Variants in B3GALT4 observed in about 807,000 individuals in gnomAD.
B3GALT4 encodes the protein beta-1,3-galactosyltransferase 4.
A neutral mutation model predicts 1.6 loss-of-function variants in B3GALT4; 1 was observed. That is an observed-to-expected ratio of 0.64 (90% CI 0.23 to 3.05). The LOEUF is 3.05. Ranked by LOEUF, B3GALT4 falls within the 30% of genes most tolerant of loss-of-function variation. The probability of loss-of-function intolerance (pLI) is 0.21; values close to 1 mark genes in which losing one functional copy is unlikely to be tolerated. For missense variants in B3GALT4, 441 were observed against 486.9 expected, an observed-to-expected ratio of 0.91 and a Z score of 0.89; for synonymous variants, 259 against 222.6, an observed-to-expected ratio of 1.16 and a Z score of -1.46.
chr6:33,278,592 CCTT>C lies in B3GALT4; in HGVS notation c.*39_*41del. On this transcript the variant is annotated 3_prime_UTR_variant, in exon 1 of 1. Transcript: ENST00000451237. The surrounding 1 kb of genome is among the most constrained non-coding windows in gnomAD (Gnocchi z 5.2). Reference sequence around the variant, plus strand: ...GGCCACAGGAAAGGCAGGAACAGGACCTTCTCTCTCCCAGGCCCAACGCAGGGG... The same window carrying C: ...GGCCACAGGAAAGGCAGGAACAGGACCTCTCTCCCAGGCCCAACGCAGGGG... 6.6e-7 allele frequency: 1 copy of C among 1,513,074 alleles called. No homozygotes were observed. Among genetic ancestry groups the C allele is most frequent in the Non-Finnish European group, 8.8e-7 (1 of 1,131,058 alleles). The allele number at this position is 1,513,074 out of a possible 1,614,324, so 93.7% of individuals were successfully genotyped here.
In B3GALT4 at chr6:33,277,940, C is replaced by T. The variant is rs1334704553; in HGVS notation, c.521C>T (p.Thr174Met). 1 of 1,614,194 alleles carries T rather than the reference C, an allele frequency of 6.2e-7. No individual in the cohort carries two copies. Among genetic ancestry groups the T allele is most frequent in the Non-Finnish European group, 8.5e-7 (1 of 1,180,038 alleles). ...HCPMARYVLK[T>M]DDDVYVNVPE... The stretch of plus-strand genomic sequence containing the variant: ...CCCATGGCCCGATACGTCCTCAAGA[C>T]GGACGATGATGTGTATGTCAACGTC... Residue 174 changes from threonine (T) to methionine (M), a missense_variant, in exon 1 of 1, where the codon ACG (threonine) becomes ATG (methionine). Physicochemically the swap from Thr to Met is moderately conservative, Grantham distance 81. Coordinates refer to ENST00000451237, the MANE Select transcript of B3GALT4 (RefSeq NM_003782.4). The surrounding 1 kb of genome is among the most constrained non-coding windows in gnomAD (Gnocchi z 5.3).
rs148070574 is a variant in B3GALT4 at position 33,277,448 on chromosome 6, T to G, written c.29T>G (p.Leu10Arg). 1.4e-5 allele frequency: 22 copies of G among 1,612,156 alleles called. No homozygotes were observed. The highest frequency in any genetic ancestry group is 1.8e-5 in the Non-Finnish European group (21 of 1,179,918). The change falls in exon 1 of 1, where the codon CTT (leucine) becomes CGT (arginine). Residue 10 changes from leucine to arginine, a missense_variant. Leu to Arg is a moderately radical substitution (Grantham distance 102, BLOSUM62 -2). Coordinates refer to ENST00000451237, the MANE Select transcript of B3GALT4 (RefSeq NM_003782.4). This position sits in a 1 kb window ranked among gnomAD's most constrained non-coding sequence, Gnocchi z 5.3. ...CAGCTCAGGCTCTTCCGGCGCCTCC[T>G]TCTCGCCGCTTTGCTGCTGGTGATC... is the stretch of plus-strand genomic sequence containing the variant. MQLRLFRRL[L>R]LAALLLVIVW...
chr6:33,277,884 C>T lies in B3GALT4; in HGVS notation c.465C>T (p.Leu155=). Residue 155 remains leucine (L), a synonymous_variant, in exon 1 of 1, where the codon CTC becomes CTT. Transcript: ENST00000451237. The surrounding 1 kb of genome is among the most constrained non-coding windows in gnomAD (Gnocchi z 5.3). ...DSYRNLTLKT[L]SGLNWAEKHC... is the part of the protein sequence containing the mutation. The stretch of plus-strand genomic sequence containing the variant: ...ACCGCAACCTCACCCTAAAGACCCT[C>T]AGCGGGCTGAACTGGGCTGAGAAAC... 1 of 1,614,116 alleles carries T rather than the reference C, an allele frequency of 6.2e-7. No homozygotes were observed. Among genetic ancestry groups the T allele is most frequent in the Non-Finnish European group, 8.5e-7 (1 of 1,180,026 alleles).
Position 33,277,546 on chromosome 6 carries a change from GC to G in B3GALT4, c.132del (p.Ala45ProfsTer13). 6.2e-7 allele frequency: 1 copy of G among 1,611,526 alleles called. No individual in the cohort carries two copies. The highest frequency in any genetic ancestry group is 8.5e-7 in the Non-Finnish European group (1 of 1,179,154). ...CCTCTCACTAGCCTCCCTGCTCCCA[GC>G]CCCCGCCTCACCGGGGCCGCCCCTG... ...LSLSLASLLPAPASPGPPLAL... is the reference protein window; with the variant it reads ...LSLSLASLLPXPASPGPPLAL... On this transcript the variant is annotated frameshift_variant, in exon 1 of 1. Coordinates refer to ENST00000451237, the MANE Select transcript of B3GALT4 (RefSeq NM_003782.4). LOFTEE classifies it low-confidence loss of function (END_TRUNC). The surrounding 1 kb of genome is among the most constrained non-coding windows in gnomAD (Gnocchi z 5.3).
Position 33,278,403 on chromosome 6 carries a change from G to A in B3GALT4, c.984G>A (p.Leu328=). 1 of 1,609,444 alleles carries A rather than the reference G, an allele frequency of 6.2e-7. No individual in the cohort carries two copies. The highest frequency in any genetic ancestry group is 2.2e-5 in the East Asian group (1 of 44,844). The part of the protein sequence containing the change: ...PLDRCCYGKF[L]LTSHRLDPWK... ...ACCGGTGCTGCTATGGGAAATTCCT[G>A]CTGACGTCCCACAGGCTGGACCCCT... is the stretch of plus-strand genomic sequence containing the variant. The change falls in exon 1 of 1, where the codon CTG becomes CTA. Residue 328 remains leucine (L), a synonymous_variant. Transcript: ENST00000451237. This position sits in a 1 kb window ranked among gnomAD's most constrained non-coding sequence, Gnocchi z 5.2.
rs1765711154 is a variant in B3GALT4, at chr6:33,277,291, C to G, written c.-129C>G. The G allele has an allele frequency of 6.8e-7, 1 of 1,470,006 alleles. No homozygotes were observed. Among genetic ancestry groups the G allele is most frequent in the African/African-American group, 1.4e-5 (1 of 69,562 alleles). The allele number at this position is 1,470,006 out of a possible 1,614,324, so 91.1% of individuals were successfully genotyped here. ...GCCTCTCCCCGCCCCCCAGGGTGCGCTGGTCCCGGTCGCGCGCTCAGACCT... is the reference window on the plus strand; with the variant it reads ...GCCTCTCCCCGCCCCCCAGGGTGCGGTGGTCCCGGTCGCGCGCTCAGACCT... On this transcript the variant is annotated 5_prime_UTR_variant, in exon 1 of 1. Coordinates refer to ENST00000451237, the MANE Select transcript of B3GALT4 (RefSeq NM_003782.4). The surrounding 1 kb of genome is among the most constrained non-coding windows in gnomAD (Gnocchi z 5.3).
At position 33,277,331 on chromosome 6, in the gene B3GALT4, T is replaced by C; in HGVS notation, c.-89T>C. 6.6e-7 allele frequency: 1 copy of C among 1,504,364 alleles called. No homozygotes were observed. The highest frequency in any genetic ancestry group is 8.8e-7 in the Non-Finnish European group (1 of 1,135,458). The allele number at this position is 1,504,364 out of a possible 1,614,324, so 93.2% of individuals were successfully genotyped here. On this transcript the variant is annotated 5_prime_UTR_variant, in exon 1 of 1. Coordinates refer to ENST00000451237, the MANE Select transcript of B3GALT4 (RefSeq NM_003782.4). The surrounding 1 kb of genome is among the most constrained non-coding windows in gnomAD (Gnocchi z 5.3). ...CGCTCAGACCTCCGCATCCCGGGCG[T>C]GGTCGGTTAAGTCCCCGGCCGTGAC...
In B3GALT4 at chr6:33,277,975, G is replaced by T. The variant is rs751760900; in HGVS notation, c.556G>T (p.Val186Leu). 5.0e-6 allele frequency: 8 copies of T among 1,614,204 alleles called. No individual in the cohort carries two copies. Among genetic ancestry groups the T allele is most frequent in the Non-Finnish European group, 6.8e-6 (8 of 1,180,032 alleles). The change falls in exon 1 of 1, where the codon GTA becomes TTA. Residue 186 changes from valine to leucine, a missense_variant. Transcript: ENST00000451237. The surrounding 1 kb of genome is among the most constrained non-coding windows in gnomAD (Gnocchi z 5.3). ...DDVYVNVPEL[V>L]SELVLRGGRW... ...TGTGTATGTCAACGTCCCTGAACTG[G>T]TATCAGAGCTGGTCTTGCGAGGGGG...
rs1309774499 is a variant in B3GALT4 at position 33,277,506 on chromosome 6, G to A, written c.87G>A (p.Gly29=). ...CCCTCTTCGGGCCTTCGGGGTTGGGGGAGGAGCTGCTGAGCCTCTCACTAG... is the reference window on the plus strand; with the variant it reads ...CCCTCTTCGGGCCTTCGGGGTTGGGAGAGGAGCTGCTGAGCCTCTCACTAG... The part of the protein sequence containing the change: ...VWTLFGPSGL[G]EELLSLSLAS... The change falls in exon 1 of 1, where the codon GGG becomes GGA. Residue 29 remains glycine (G), a synonymous_variant. Coordinates refer to ENST00000451237, the MANE Select transcript of B3GALT4 (RefSeq NM_003782.4). The surrounding 1 kb of genome is among the most constrained non-coding windows in gnomAD (Gnocchi z 5.3). The A allele has an allele frequency of 1.2e-6, 2 of 1,612,778 alleles. No homozygotes were observed. The highest frequency in any genetic ancestry group is 1.7e-6 in the Non-Finnish European group (2 of 1,179,956).
Position 33,277,276 on chromosome 6 carries a change from G to A in B3GALT4, c.-144G>A. The A allele has an allele frequency of 1.5e-5, 22 of 1,430,214 alleles. No homozygotes were observed. The highest frequency in any genetic ancestry group is 1.9e-5 in the Non-Finnish European group (21 of 1,087,650). 88.6% of individuals were successfully genotyped at this position (1,430,214 alleles called of 1,614,324 possible). A position where few individuals can be genotyped will look rare whatever the true frequency, so the allele number is the denominator to read the frequency against. On this transcript the variant is annotated 5_prime_UTR_variant, in exon 1 of 1. Coordinates refer to ENST00000451237, the MANE Select transcript of B3GALT4 (RefSeq NM_003782.4). The surrounding 1 kb of genome is among the most constrained non-coding windows in gnomAD (Gnocchi z 5.3). ...GTCCGCAGCTGCACCGCCTCTCCCC[G>A]CCCCCCAGGGTGCGCTGGTCCCGGT...
chr6:33,277,842 C>G lies in B3GALT4; in HGVS notation c.423C>G (p.Ala141=). The G allele has an allele frequency of 6.2e-7, 1 of 1,613,784 alleles. No homozygotes were observed. Among genetic ancestry groups the G allele is most frequent in the Non-Finnish European group, 8.5e-7 (1 of 1,179,994 alleles). ...CAGCCCAGGGGGATATCTTGCAGGC[C>G]GCCTTCCAGGACTCCTACCGCAACC... ...ESAAQGDILQ[A]AFQDSYRNLT... is the part of the protein sequence containing the mutation. Residue 141 remains alanine (A), a synonymous_variant, in exon 1 of 1, where the codon GCC becomes GCG. Transcript: ENST00000451237. The surrounding 1 kb of genome is among the most constrained non-coding windows in gnomAD (Gnocchi z 5.3).
chr6:33,277,323 C>T lies in B3GALT4; in HGVS notation c.-97C>T. 1 of 1,501,308 alleles carries T rather than the reference C, an allele frequency of 6.7e-7. No homozygotes were observed. The highest frequency in any genetic ancestry group is 8.8e-7 in the Non-Finnish European group (1 of 1,134,394). 93.0% of individuals were successfully genotyped at this position (1,501,308 alleles called of 1,614,324 possible). A position where few individuals can be genotyped will look rare whatever the true frequency, so the allele number is the denominator to read the frequency against. On this transcript the variant is annotated 5_prime_UTR_variant, in exon 1 of 1. Transcript: ENST00000451237. The surrounding 1 kb of genome is among the most constrained non-coding windows in gnomAD (Gnocchi z 5.3). ...CGGTCGCGCGCTCAGACCTCCGCATCCCGGGCGTGGTCGGTTAAGTCCCCG... is the reference window on the plus strand; with the variant it reads ...CGGTCGCGCGCTCAGACCTCCGCATTCCGGGCGTGGTCGGTTAAGTCCCCG...
Position 33,277,794 on chromosome 6 carries a change from G to T in B3GALT4, c.375G>T (p.Gly125=). The T allele has an allele frequency of 6.2e-7, 1 of 1,613,762 alleles. No homozygotes were observed. Among genetic ancestry groups the T allele is most frequent in the Non-Finnish European group, 8.5e-7 (1 of 1,180,002 alleles). Residue 125 remains glycine (G), a synonymous_variant, in exon 1 of 1, where the codon GGG becomes GGT. Coordinates refer to ENST00000451237, the MANE Select transcript of B3GALT4 (RefSeq NM_003782.4). This position sits in a 1 kb window ranked among gnomAD's most constrained non-coding sequence, Gnocchi z 5.3. The part of the protein sequence containing the change: ...NAQHPVWGSQ[G]SDLASESAAQ... ...AGCACCCCGTGTGGGGTTCCCAGGG[G>T]AGTGACCTGGCCTCGGAGTCAGCAG... is the stretch of plus-strand genomic sequence containing the variant.
chr6:33,277,153 G>A lies in B3GALT4; in HGVS notation c.-267G>A, dbSNP rs1765696880. 2.4e-6 allele frequency: 1 copy of A among 423,284 alleles called. No individual in the cohort carries two copies. The highest frequency in any genetic ancestry group is 2.1e-5 in the African/African-American group (1 of 48,346). 26.2% of individuals were successfully genotyped at this position (423,284 alleles called of 1,614,324 possible). ...GGCCGCCGGGGCGAGGCGGGGGAGGGGCCGTGAGTGCCGCAGTCGGCCAGC... is the reference window on the plus strand; with the variant it reads ...GGCCGCCGGGGCGAGGCGGGGGAGGAGCCGTGAGTGCCGCAGTCGGCCAGC... On this transcript the variant is annotated 5_prime_UTR_variant, in exon 1 of 1. Transcript: ENST00000451237. This position sits in a 1 kb window ranked among gnomAD's most constrained non-coding sequence, Gnocchi z 5.3.
chr6:33,277,397 AT>A lies in B3GALT4; in HGVS notation c.-22del. 1.2e-6 allele frequency: 2 copies of A among 1,603,012 alleles called. No homozygotes were observed. Among genetic ancestry groups the A allele is most frequent in the Non-Finnish European group, 1.7e-6 (2 of 1,177,370 alleles). ...TAGTCTCCGCCCTTCGCTCTTACGGATCCCCTCGGAGTACGCCGCACCATGC... is the reference window on the plus strand; with the variant it reads ...TAGTCTCCGCCCTTCGCTCTTACGGACCCCTCGGAGTACGCCGCACCATGC... On this transcript the variant is annotated 5_prime_UTR_variant, in exon 1 of 1. Coordinates refer to ENST00000451237, the MANE Select transcript of B3GALT4 (RefSeq NM_003782.4). This position sits in a 1 kb window ranked among gnomAD's most constrained non-coding sequence, Gnocchi z 5.3.
chr6:33,278,371 C>T lies in B3GALT4; in HGVS notation c.952C>T (p.Pro318Ser). 6.2e-7 allele frequency: 1 copy of T among 1,606,284 alleles called. No homozygotes were observed. The highest frequency in any genetic ancestry group is 8.5e-7 in the Non-Finnish European group (1 of 1,174,930). ...CVKLAGATHY[P>S]LDRCCYGKFL... ...CAAGCTGGCTGGTGCCACCCACTAC[C>T]CGCTAGACCGGTGCTGCTATGGGAA... The change falls in exon 1 of 1, where the codon CCG becomes TCG. Residue 318 changes from proline to serine, a missense_variant. Coordinates refer to ENST00000451237, the MANE Select transcript of B3GALT4 (RefSeq NM_003782.4). This position sits in a 1 kb window ranked among gnomAD's most constrained non-coding sequence, Gnocchi z 5.2.
rs758140605 is a variant in B3GALT4 at position 33,277,446 on chromosome 6, CCTT to C, written c.30_32del (p.Leu11del). Reference sequence around the variant, plus strand: ...TGCAGCTCAGGCTCTTCCGGCGCCTCCTTCTCGCCGCTTTGCTGCTGGTGATCG... The same window carrying C: ...TGCAGCTCAGGCTCTTCCGGCGCCTCCTCGCCGCTTTGCTGCTGGTGATCG... On this transcript the variant is annotated inframe_deletion, in exon 1 of 1. Transcript: ENST00000451237. The surrounding 1 kb of genome is among the most constrained non-coding windows in gnomAD (Gnocchi z 5.3). 26 of 1,612,204 alleles carry C rather than the reference CCTT, an allele frequency of 1.6e-5. No homozygotes were observed. Among genetic ancestry groups the C allele is most frequent in the African/African-American group, 6.7e-5 (5 of 74,902 alleles).
chr6:33,277,335 C>G lies in B3GALT4; in HGVS notation c.-85C>G. 3 of 1,506,678 alleles carry G rather than the reference C, an allele frequency of 2.0e-6. No individual in the cohort carries two copies. Among genetic ancestry groups the G allele is most frequent in the South Asian group, 1.3e-5 (1 of 76,812 alleles). 93.3% of individuals were successfully genotyped at this position (1,506,678 alleles called of 1,614,324 possible). Reference sequence around the variant, plus strand: ...CAGACCTCCGCATCCCGGGCGTGGTCGGTTAAGTCCCCGGCCGTGACCCAG... The same window carrying G: ...CAGACCTCCGCATCCCGGGCGTGGTGGGTTAAGTCCCCGGCCGTGACCCAG... On this transcript the variant is annotated 5_prime_UTR_variant, in exon 1 of 1. Transcript: ENST00000451237. The surrounding 1 kb of genome is among the most constrained non-coding windows in gnomAD (Gnocchi z 5.3).
rs758326338 is a variant in B3GALT4, at chr6:33,277,451, T to C, written c.32T>C (p.Leu11Pro). Residue 11 changes from leucine (L) to proline (P), a missense_variant, in exon 1 of 1, where the codon CTC becomes CCC. Leu to Pro is a moderately conservative substitution (Grantham distance 98). Coordinates refer to ENST00000451237, the MANE Select transcript of B3GALT4 (RefSeq NM_003782.4). The surrounding 1 kb of genome is among the most constrained non-coding windows in gnomAD (Gnocchi z 5.3). MQLRLFRRLLLAALLLVIVWT... is the reference protein window; with the variant it reads MQLRLFRRLLPAALLLVIVWT... ...CTCAGGCTCTTCCGGCGCCTCCTTC[T>C]CGCCGCTTTGCTGCTGGTGATCGTC... 16 of 1,612,318 alleles carry C rather than the reference T, an allele frequency of 9.9e-6. No individual in the cohort carries two copies. The highest frequency in any genetic ancestry group is 3.7e-4 in the Middle Eastern group (2 of 5,444).
Sources: allele counts gnomAD v4.1 joint callset, GRCh38; gene constraint gnomAD v4.1.1; non-coding constraint Gnocchi (gnomAD v3.1); transcripts MANE v1.5; gene names NCBI Gene and HGNC (gene_info 2026-07-23, HGNC 2026-07-21).